PCDHGA3: variants seen among roughly 807,000 people sequenced by gnomAD.
PCDHGA3 encodes protocadherin gamma subfamily A, 3, also known as protocadherin gamma-A3.
PCDHGA3 carries 40 observed loss-of-function variants against 58.5 expected under a neutral mutation model. That is an observed-to-expected ratio of 0.68 (90% CI 0.53 to 0.89). The LOEUF (loss-of-function observed/expected upper bound fraction) is 0.89, where lower values mean the gene tolerates loss of function less well. Among genes scored for constraint, PCDHGA3 ranks in the 40% least tolerant of loss-of-function variants. The pLI is 0.00. For missense variants in PCDHGA3, 1,223 were observed against 1,195.9 expected, an observed-to-expected ratio of 1.02 and a Z score of -0.33; for synonymous variants, 530 against 525.7, an observed-to-expected ratio of 1.01 and a Z score of -0.11.
intron 1 of PCDHGA3, among the ~76,000 whole-genome samples, chr5:141,452,082 T>A (rs924362905): frequency 3.3e-5 from 5 of 152,240 alleles, no homozygotes; most frequent in Non-Finnish European, 7.3e-5. Context: ...GTTGGCATTA[T>A]ACAGTAAGAA....
At chr5:141,441,962 G>A in intron 1 of PCDHGA3, 1 of 313,768 alleles carries the variant, frequency 3.2e-6, no homozygotes, top group Admixed American at 4.1e-5. Context: ...AGCAAGCCCA[G>A]GCTCTTCAGC....
intron 1 of PCDHGA3, 49 bp downstream of exon 1, chr5:141,346,506 G>A (rs768849067): frequency 1.2e-6 from 2 of 1,609,240 alleles, no homozygotes; most frequent in Non-Finnish European, 1.7e-6. Flanking sequence ...TGAGAATGTG[G>A]TTATTATAAA....
intron 3 of PCDHGA3, among the ~76,000 whole-genome samples, chr5:141,508,629 T>C (rs934648689): frequency 6.6e-6 from 1 of 152,054 alleles, no homozygotes; most frequent in Non-Finnish European, 1.5e-5. Context: ...GGGCCGAGCT[T>C]CTAGCTACTC....
rs1411664231 is a variant in PCDHGA3 at position 141,390,362 on chromosome 5, GA to G, written c.2424+43909del. 3.9e-6 allele frequency: 6 copies of G among 1,532,890 alleles called. No individual in the cohort carries two copies. In the African/African-American group the frequency reaches 8.3e-5, roughly 21 times the overall value. 95.0% of individuals were successfully genotyped at this position (1,532,890 alleles called of 1,614,324 possible). ...CACAAGAAAATATACATATTTGCAG[GA>G]AAATATATAATTTTTAGATGTCATG... On this transcript the variant is annotated intron_variant, in intron 1 of 3. Coordinates refer to ENST00000253812, the MANE Select transcript of PCDHGA3 (RefSeq NM_018916.4).
At chr5:141,478,506 ATAGGCAGGTGTTGGG>A in intron 1 of PCDHGA3, 1 of 1,612,314 alleles carries the variant, frequency 6.2e-7, no homozygotes, top group Non-Finnish European at 8.5e-7. Context: ...CCGGTGTTCT[ATAGGCAGGTGTTGGG>A]TGCAGAGAGC....
At chr5:141,417,972 C>T (rs2154547391) in intron 1 of PCDHGA3, 2 of 1,613,830 alleles carry the variant, frequency 1.2e-6, no homozygotes, top group Admixed American at 1.7e-5. Flanking sequence ...TACTCGATTC[C>T]GGAGGAGCTG....
chr5:141,443,166 C>T (rs914863821), intron 1 of PCDHGA3, among the ~76,000 whole-genome samples: 2 of 152,124 alleles, frequency 1.3e-5, no homozygotes, highest in African/African-American at 4.8e-5. Context: ...ATTTCCCTAC[C>T]CATGTCCACT....
At position 141,375,795 on chromosome 5, in the gene PCDHGA3, G is replaced by T. The variant is rs765881835; in HGVS notation, c.2424+29338G>T. Reference sequence around the variant, plus strand: ...CTGTACCCCGCCCTCCCCACAGACGGTTCCACTGGCGTGGAGCTGGCGCCC... The same window carrying T: ...CTGTACCCCGCCCTCCCCACAGACGTTTCCACTGGCGTGGAGCTGGCGCCC... On this transcript the variant is annotated intron_variant, in intron 1 of 3. Coordinates refer to ENST00000253812, the MANE Select transcript of PCDHGA3 (RefSeq NM_018916.4). 4 of 1,614,218 alleles carry T rather than the reference G, an allele frequency of 2.5e-6. No individual in the cohort carries two copies. The South Asian group carries it at 3.3e-5, about 13-fold the overall frequency.
Position 141,432,206 on chromosome 5 carries a change from G to T in PCDHGA3, c.2425-62601G>T, listed in dbSNP as rs551220443. ...GACCGCCCACGACCCCGACTGTGAA[G>T]AGAACGCCCAGATCACTTATTCCCT... On this transcript the variant is annotated intron_variant, in intron 1 of 3. Coordinates refer to ENST00000253812, the MANE Select transcript of PCDHGA3 (RefSeq NM_018916.4). The surrounding 1 kb of genome is among the most constrained non-coding windows in gnomAD (Gnocchi z 6.0). 12 of 1,614,214 alleles carry T rather than the reference G, an allele frequency of 7.4e-6. No individual in the cohort carries two copies. The Admixed American group carries it at 8.3e-5, about 11-fold the overall frequency.
intron 1 of PCDHGA3, chr5:141,420,275 G>A: frequency 1.3e-6 from 2 of 1,524,576 alleles, no homozygotes; most frequent in Non-Finnish European, 1.8e-6. Flanking sequence ...TCTTAAACAG[G>A]TAAGTATTTA....
intron 1 of PCDHGA3, chr5:141,390,071 CTG>C: frequency 1.2e-6 from 2 of 1,614,084 alleles, no homozygotes; most frequent in Middle Eastern, 1.6e-4. Context: ...AGCCTGGTCT[CTG>C]TGTTAAATCC....
intron 1 of PCDHGA3, chr5:141,419,265 C>G: frequency 6.2e-7 from 1 of 1,614,040 alleles, no homozygotes; most frequent in Non-Finnish European, 8.5e-7. Context: ...CAGCCGGGTG[C>G]CTCCATAGCG....
At chr5:141,363,452 C>G (rs1031596870) in intron 1 of PCDHGA3, among the ~76,000 whole-genome samples, 2 of 152,196 alleles carry the variant, frequency 1.3e-5, no homozygotes, top group Non-Finnish European at 2.9e-5. Context: ...CAGTACTTCT[C>G]GACAAGTATC....
chr5:141,375,832 G>T, intron 1 of PCDHGA3: 1 of 1,614,146 alleles, frequency 6.2e-7, no homozygotes, highest in Non-Finnish European at 8.5e-7. Flanking sequence ...GCTCCGCAGA[G>T]CCCGGCTACC....
In PCDHGA3 at chr5:141,402,676, C is replaced by T. The variant is rs746643713; in HGVS notation, c.2424+56219C>T. 2.0e-5 allele frequency among the ~76,000 whole-genome samples: 3 copies of T among 152,282 alleles called. No homozygotes were observed. The East Asian group carries it at 5.8e-4, about 29-fold the overall frequency. ...GAGTAGTGTTTTCTTTATCAGCCAT[C>T]TGATATAATGTTACACATCAGTGGG... On this transcript the variant is annotated intron_variant, in intron 1 of 3. Transcript: ENST00000253812.
rs777168071 is a variant in PCDHGA3 at position 141,477,745 on chromosome 5, C to A, written c.2425-17062C>A. The A allele has an allele frequency of 5.0e-6, 8 of 1,613,682 alleles. No homozygotes were observed. The highest frequency in any genetic ancestry group is 6.8e-6 in the Non-Finnish European group (8 of 1,180,042). On this transcript the variant is annotated intron_variant, in intron 1 of 3. Transcript: ENST00000253812. The surrounding 1 kb of genome is among the most constrained non-coding windows in gnomAD (Gnocchi z 4.9). ...TAACAGCTCATATCAGCGATGGGGG[C>A]ACCCCGGTCCTAGCCACCAACATCA...
rs1421124374 is a variant in PCDHGA3, at chr5:141,431,186, A to G, written c.2425-63621A>G. The G allele has an allele frequency of 1.9e-6, 3 of 1,614,110 alleles. No individual in the cohort carries two copies. ...TGAAAGTGAATTAGAAATAAAAATT[A>G]GTGAAAATGCAGCCACTGAGATGCG... On this transcript the variant is annotated intron_variant, in intron 1 of 3. Transcript: ENST00000253812. This position sits in a 1 kb window ranked among gnomAD's most constrained non-coding sequence, Gnocchi z 4.8.
At chr5:141,499,013 GA>G (rs2099788463) in intron 2 of PCDHGA3, among the ~76,000 whole-genome samples, 1 of 144,746 alleles carries the variant, frequency 6.9e-6, no homozygotes, top group Non-Finnish European at 1.5e-5. Context: ...AGGAAGGAAG[GA>G]AGGAAGGAAG....
In PCDHGA3 at chr5:141,349,888, G is replaced by A. The variant is rs192768949; in HGVS notation, c.2424+3431G>A. Among the ~76,000 whole-genome samples the A allele has an allele frequency of 2.8e-3, 432 of 152,232 alleles. 1 individual carries two copies. Among genetic ancestry groups the A allele is most frequent in the Admixed American group, 0.021 (320 of 15,292 alleles). On this transcript the variant is annotated intron_variant, in intron 1 of 3. Transcript: ENST00000253812. ...GAAATGATGAAGGCCCTTATCTGAT[G>A]ATGACAAACTAGAAAACTGAAATGT...
Sources: allele counts gnomAD v4.1 joint callset (sites outside exome capture counted in the v4.1 genomes callset), GRCh38; gene constraint gnomAD v4.1.1; non-coding constraint Gnocchi (gnomAD v3.1); transcripts MANE v1.5; gene names NCBI Gene and HGNC (gene_info 2026-07-23, HGNC 2026-07-21).